The following NLGN1 variants were observed in gnomAD, a reference collection of about 807,000 sequenced individuals.
The protein encoded by NLGN1 is neuroligin-1.
Under a neutral mutation model 65.5 loss-of-function variants are expected in NLGN1, and 12 were observed. The ratio of observed to expected loss-of-function variants is 0.18; its 90% CI spans 0.12 to 0.30. The LOEUF (loss-of-function observed/expected upper bound fraction) is 0.30, where lower values mean the gene tolerates loss of function less well. Ranked by LOEUF, NLGN1 falls within the 10% of genes least tolerant of loss-of-function variation. The pLI, the probability that NLGN1 is intolerant of heterozygous loss-of-function variation, is 1.00. For missense variants in NLGN1, 750 were observed against 1,007.1 expected (o/e 0.74, Z 3.46); for synonymous variants, 350 against 359.5 (o/e 0.97, Z 0.30).
At chr3:174,023,853 T>C (rs1333284279) in intron 4 of NLGN1, among the ~76,000 whole-genome samples, 1 of 152,074 alleles carries the variant, frequency 6.6e-6, no homozygotes, top group Non-Finnish European at 1.5e-5. Context: ...AGCTGTGGAT[T>C]TTATGTGCAG....
intron 4 of NLGN1, among the ~76,000 whole-genome samples, chr3:174,148,038 A>T (rs1215016170): frequency 6.6e-6 from 1 of 152,222 alleles, no homozygotes; most frequent in African/African-American, 2.4e-5. Context: ...CTTCTACAAA[A>T]GAATGTGTGT....
At chr3:174,035,567 G>A (rs542048329) in intron 4 of NLGN1, among the ~76,000 whole-genome samples, 3 of 152,294 alleles carry the variant, frequency 2.0e-5, no homozygotes, top group African/African-American at 4.8e-5. Context: ...ATGGGTTGAT[G>A]TGTTTGGTAT....
At chr3:173,714,057 A>G (rs1259167884) in intron 3 of NLGN1, among the ~76,000 whole-genome samples, 1 of 152,174 alleles carries the variant, frequency 6.6e-6, no homozygotes, top group African/African-American at 2.4e-5. Flanking sequence ...AGTGTAATAG[A>G]AATACATTTG....
intron 4 of NLGN1, among the ~76,000 whole-genome samples, chr3:173,889,975 G>A (rs1735032394): frequency 6.6e-6 from 1 of 151,294 alleles, no homozygotes; most frequent in East Asian, 1.9e-4. Context: ...CTTCTCTTTT[G>A]TGTATGTATG....
intron 4 of NLGN1, among the ~76,000 whole-genome samples, chr3:173,947,485 A>G (rs1215586914): frequency 6.6e-6 from 1 of 152,232 alleles, no homozygotes; most frequent in Non-Finnish European, 1.5e-5. Context: ...AGCTCTTAGC[A>G]TAATGCTTGT....
chr3:173,981,554 A>G (rs963846388), intron 4 of NLGN1, among the ~76,000 whole-genome samples: 2 of 152,044 alleles, frequency 1.3e-5, no homozygotes, highest in Non-Finnish European at 2.9e-5. Flanking sequence ...GGTACATTAC[A>G]TTTGTTGTTT....
intron 2 of NLGN1, among the ~76,000 whole-genome samples, chr3:173,435,892 CA>C (rs929573091): frequency 5.9e-5 from 9 of 152,082 alleles, no homozygotes; most frequent in African/African-American, 2.2e-4. Context: ...ATTTAGTCAA[CA>C]AGGAAGGCTG....
intron 3 of NLGN1, among the ~76,000 whole-genome samples, chr3:173,674,178 A>G (rs1226130662): frequency 6.6e-6 from 1 of 152,184 alleles, no homozygotes; most frequent in East Asian, 1.9e-4. Context: ...AATTTTCTGA[A>G]GTAATGAGAG....
intron 4 of NLGN1, among the ~76,000 whole-genome samples, chr3:174,013,505 T>C (rs1287891439): frequency 6.6e-6 from 1 of 152,204 alleles, no homozygotes; most frequent in East Asian, 1.9e-4. Flanking sequence ...TTTGGAAGGA[T>C]CAAATTCAAT....
intron 4 of NLGN1, among the ~76,000 whole-genome samples, chr3:174,030,756 C>G (rs1462271056): frequency 1.3e-5 from 2 of 152,160 alleles, no homozygotes; most frequent in Non-Finnish European, 2.9e-5. Context: ...GACAAATCTA[C>G]TTAATGACTA....
At chr3:173,858,483 C>A (rs748728652) in intron 4 of NLGN1, among the ~76,000 whole-genome samples, 7 of 151,958 alleles carry the variant, frequency 4.6e-5, no homozygotes, top group Non-Finnish European at 7.4e-5. Context: ...GGGTAAAATG[C>A]TAAGATTTGA....
chr3:174,026,574 A>G (rs1161655402), intron 4 of NLGN1, among the ~76,000 whole-genome samples: 3 of 152,226 alleles, frequency 2.0e-5, no homozygotes, highest in Non-Finnish European at 4.4e-5. Flanking sequence ...ACACAACATT[A>G]CTATATATTT....
intron 2 of NLGN1, among the ~76,000 whole-genome samples, chr3:173,548,266 TC>T (rs1740235863): frequency 6.6e-6 from 1 of 152,132 alleles, no homozygotes; most frequent in Non-Finnish European, 1.5e-5. Context: ...AAAATTAATT[TC>T]TGGTCAATAT....
intron 3 of NLGN1, among the ~76,000 whole-genome samples, chr3:173,698,845 AAT>A (rs1348521509): frequency 4.7e-5 from 2 of 42,688 alleles, no homozygotes; most frequent in Non-Finnish European, 1.7e-4. Flanking sequence ...AGAAAACAGG[AAT>A]TTTTTTTGTT....
Position 173,414,395 on chromosome 3 carries a change from G to C in NLGN1, c.-390+15908G>C, listed in dbSNP as rs115495369. Among the ~76,000 whole-genome samples the C allele has an allele frequency of 5.4e-3, 829 of 152,272 alleles. 15 individuals carry two copies. The highest frequency in any genetic ancestry group is 0.019 in the African/African-American group (778 of 41,542). Reference sequence around the variant, plus strand: ...GCTATCTTTGAATTGGACTGGAGAAGAAGGAATCCTCAGGACGCTAGGAAA... The same window carrying C: ...GCTATCTTTGAATTGGACTGGAGAACAAGGAATCCTCAGGACGCTAGGAAA... On this transcript the variant is annotated intron_variant, in intron 1 of 6. Coordinates refer to ENST00000457714, the Ensembl canonical transcript of NLGN1.
downstream of NLGN1, among the ~76,000 whole-genome samples, chr3:174,289,023 T>C (rs2152902777): frequency 6.6e-6 from 1 of 151,510 alleles, no homozygotes; most frequent in South Asian, 2.1e-4. Context: ...TGGAGACCTA[T>C]CTATCCACCT....
chr3:173,608,323 C>T (rs1416677482), intron 3 of NLGN1, among the ~76,000 whole-genome samples: 1 of 151,782 alleles, frequency 6.6e-6, no homozygotes, highest in Non-Finnish European at 1.5e-5. Context: ...GATCTTTCTT[C>T]AGAGTTTTAT....
intron 4 of NLGN1, among the ~76,000 whole-genome samples, chr3:173,946,611 ATT>A (rs1747203228): frequency 2.6e-5 from 4 of 152,166 alleles, no homozygotes; most frequent in South Asian, 2.1e-4. Context: ...CCATGATATT[ATT>A]GGATCAAACA....
intron 4 of NLGN1, among the ~76,000 whole-genome samples, chr3:174,148,091 CTG>C (rs1332011327): frequency 6.6e-6 from 1 of 152,176 alleles, no homozygotes; most frequent in African/African-American, 2.4e-5. Context: ...AGCTACTAAA[CTG>C]AACAATGAAT....
Sources: allele counts gnomAD v4.1 joint callset (sites outside exome capture counted in the v4.1 genomes callset), GRCh38; gene constraint gnomAD v4.1.1; transcripts MANE v1.5; gene names NCBI Gene and HGNC (gene_info 2026-07-23, HGNC 2026-07-21).